RCSD1: variants seen among roughly 807,000 people sequenced by gnomAD.
The protein encoded by RCSD1 is capZ-interacting protein.
A neutral mutation model predicts 42.5 loss-of-function variants in RCSD1; 26 were observed. The observed-to-expected ratio is 0.61, with a 90% CI of 0.45 to 0.85. The LOEUF (loss-of-function observed/expected upper bound fraction) is 0.85. Among genes scored for constraint, RCSD1 ranks in the 40% least tolerant of loss-of-function variants. The pLI, the probability that RCSD1 is intolerant of heterozygous loss-of-function variation, is 0.00. For missense variants in RCSD1, 571 were observed against 528.3 expected, an observed-to-expected ratio of 1.08 and a Z score of -0.79; for synonymous variants, 220 against 212.2, an observed-to-expected ratio of 1.04 and a Z score of -0.32.
chr1:167,682,838 G>A (rs1332384700), intron 1 of RCSD1, among the ~76,000 whole-genome samples: 1 of 152,156 alleles, frequency 6.6e-6, no homozygotes, highest in Admixed American at 6.5e-5. Flanking sequence ...CAGACTAGAC[G>A]TGAGGAGGGG....
rs777610927 is a variant in RCSD1 at position 167,694,236 on chromosome 1, G to C, written c.408G>C (p.Glu136Asp). ...CTGGTGTGCGATCTAGGCCCAGCGA[G>C]GCAGAGGAGGTGCCTGTCAGCTTCG... ...SSPGVRSRPSEAEEVPVSFDQ... is the reference protein window; with the variant it reads ...SSPGVRSRPSDAEEVPVSFDQ... The change falls in exon 5 of 7, where the codon GAG becomes GAC. Residue 136 changes from glutamate (E) to aspartate (D), a missense_variant. By Grantham distance (45) the Glu-to-Asp change is conservative (BLOSUM62 2). Coordinates refer to ENST00000367854, the MANE Select transcript of RCSD1 (RefSeq NM_052862.4). The C allele has an allele frequency of 6.2e-7, 1 of 1,614,202 alleles. No homozygotes were observed. The highest frequency in any genetic ancestry group is 8.5e-7 in the Non-Finnish European group (1 of 1,180,048).
At chr1:167,685,375 A>T (rs751288140) in intron 2 of RCSD1, 46 bp from the exon 3 acceptor site, 1 of 1,500,216 alleles carries the variant, frequency 6.7e-7, no homozygotes, top group South Asian at 1.1e-5. Context: ...TTGCCTGATC[A>T]GTGCTCTCTT....
chr1:167,638,523 C>T (rs1035270051), intron 1 of RCSD1: 3 of 152,420 alleles, frequency 2.0e-5, no homozygotes, highest in African/African-American at 7.2e-5. Flanking sequence ...TCTGGAGAAA[C>T]TCTGGCTTCC....
rs529143970 is a variant in RCSD1, at chr1:167,704,100, G to T, written c.1219-564G>T. Among the ~76,000 whole-genome samples the T allele has an allele frequency of 7.9e-5, 12 of 152,262 alleles. No homozygotes were observed. The South Asian group carries it at 2.5e-3, about 32-fold the overall frequency. On this transcript the variant is annotated intron_variant, in intron 6 of 6. Transcript: ENST00000367854. Reference sequence around the variant, plus strand: ...CCTGGTACAGCTCCTAGCACAGAAGGATCTCAAAGTAATACCTTCGGAATG... The same window carrying T: ...CCTGGTACAGCTCCTAGCACAGAAGTATCTCAAAGTAATACCTTCGGAATG...
At position 167,706,279 on chromosome 1, in the gene RCSD1, T is replaced by C. The variant is rs1342086988; in HGVS notation, c.*1583T>C. The C allele has an allele frequency of 6.6e-6, 1 of 152,264 alleles. No homozygotes were observed. 9.4% of individuals were successfully genotyped at this position (152,264 alleles called of 1,614,324 possible). A position where few individuals can be genotyped will look rare whatever the true frequency, so the allele number is the denominator to read the frequency against. ...TGTGTGTCAATTATTTTGAGATCTA[T>C]AAACTTGTCTGTCTATCTATCTAGC... On this transcript the variant is annotated 3_prime_UTR_variant, in exon 7 of 7. Transcript: ENST00000367854.
At chr1:167,702,448 C>T (rs763904862) in intron 6 of RCSD1, among the ~76,000 whole-genome samples, 1 of 152,172 alleles carries the variant, frequency 6.6e-6, no homozygotes, top group East Asian at 1.9e-4. Flanking sequence ...GAAAAGAGGG[C>T]ACAGAATCAG....
intron 2 of RCSD1, 133 bp from the exon 3 acceptor site, chr1:167,685,288 C>G: frequency 1.6e-6 from 1 of 607,546 alleles, no homozygotes; most frequent in Non-Finnish European, 2.9e-6. Context: ...TATTCCTACA[C>G]TTCCCTAACA....
Position 167,668,736 on chromosome 1 carries a change from T to TA in RCSD1, c.7-15147dup, listed in dbSNP as rs57523926. Among the ~76,000 whole-genome samples, 592 of 130,418 alleles carry TA rather than the reference T, an allele frequency of 4.5e-3. 4 individuals carry two copies. Among genetic ancestry groups the TA allele is most frequent in the African/African-American group, 0.013 (473 of 35,522 alleles). 85.6% of individuals were successfully genotyped at this position (130,418 alleles called of 152,430 possible). On this transcript the variant is annotated intron_variant, in intron 1 of 6. Coordinates refer to ENST00000367854, the MANE Select transcript of RCSD1 (RefSeq NM_052862.4). ...ATGAATGAATATGTCCAAGATGTAC[T>TA]AAAAAAAAAAAAAAAAAGAGGGAGC...
intron 1 of RCSD1, among the ~76,000 whole-genome samples, chr1:167,652,632 C>T (rs1184067320): frequency 6.6e-6 from 1 of 151,974 alleles, no homozygotes; most frequent in Admixed American, 6.5e-5. Context: ...CTTTTTTGCC[C>T]ATCGAATGCA....
At chr1:167,637,763 CA>C (rs36095574) in intron 1 of RCSD1, among the ~76,000 whole-genome samples, 22 of 151,888 alleles carry the variant, frequency 1.4e-4, no homozygotes, top group East Asian at 9.7e-4. Context: ...CACACACACA[CA>C]CCCCTTCTGT....
intron 1 of RCSD1, among the ~76,000 whole-genome samples, chr1:167,678,768 G>A (rs1367839228): frequency 6.6e-6 from 1 of 152,146 alleles, no homozygotes; most frequent in African/African-American, 2.4e-5. Context: ...AATGTAGCTG[G>A]CCTCACACTA....
At chr1:167,687,783 G>C (rs1414180854) in intron 3 of RCSD1, among the ~76,000 whole-genome samples, 1 of 152,212 alleles carries the variant, frequency 6.6e-6, no homozygotes, top group Non-Finnish European at 1.5e-5. Flanking sequence ...TGAGACAGTG[G>C]GGTCAGCCCC....
At chr1:167,631,028 A>G (rs1657684186) in intron 1 of RCSD1, among the ~76,000 whole-genome samples, 1 of 152,172 alleles carries the variant, frequency 6.6e-6, no homozygotes, top group African/African-American at 2.4e-5. Context: ...CAGTCGAATG[A>G]CATTATTTCT....
chr1:167,686,682 T>C (rs1297327881), intron 3 of RCSD1, among the ~76,000 whole-genome samples: 2 of 152,242 alleles, frequency 1.3e-5, no homozygotes, highest in African/African-American at 4.8e-5. Context: ...GCCAACAATA[T>C]GATTCTGTGG....
rs1659520116 is a variant in RCSD1 at position 167,697,281 on chromosome 1, C to T, written c.657C>T (p.Ser219=). ...SKSKAPGSPL[S]SEGAAGEGVR... Reference sequence around the variant, plus strand: ...GCAAGGCCCCAGGATCCCCTTTGTCCAGTGAGGGAGCAGCGGGAGAGGGAG... The same window carrying T: ...GCAAGGCCCCAGGATCCCCTTTGTCTAGTGAGGGAGCAGCGGGAGAGGGAG... The change falls in exon 6 of 7, where the codon TCC becomes TCT. Residue 219 remains serine (S), a synonymous_variant. Transcript: ENST00000367854. 16 of 1,614,114 alleles carry T rather than the reference C, an allele frequency of 9.9e-6. No individual in the cohort carries two copies. The highest frequency in any genetic ancestry group is 1.4e-5 in the Non-Finnish European group (16 of 1,180,028).
intron 1 of RCSD1, among the ~76,000 whole-genome samples, chr1:167,658,181 C>T (rs1658463126): frequency 6.6e-6 from 1 of 152,168 alleles, no homozygotes; most frequent in Non-Finnish European, 1.5e-5. Flanking sequence ...ACCAGATCAG[C>T]CCCCCTCCCT....
intron 1 of RCSD1, among the ~76,000 whole-genome samples, chr1:167,678,682 C>T (rs779358845): frequency 3.3e-5 from 5 of 152,164 alleles, no homozygotes; most frequent in Non-Finnish European, 5.9e-5. Flanking sequence ...GGTCACGTCC[C>T]TCCTTGAAAC....
intron 1 of RCSD1, among the ~76,000 whole-genome samples, chr1:167,632,692 C>G (rs60799585): frequency 0.76 from 115,198 of 151,220 alleles, 44,264 homozygotes; most frequent in East Asian, 0.83. Flanking sequence ...CGTCTCACAT[C>G]CAGTAGGTCA....
At chr1:167,650,765 G>A (rs1261765615) in intron 1 of RCSD1, among the ~76,000 whole-genome samples, 2 of 152,222 alleles carry the variant, frequency 1.3e-5, no homozygotes, top group East Asian at 3.8e-4. Flanking sequence ...TAGCAATGGA[G>A]TAGGGAGAGG....
Sources: allele counts gnomAD v4.1 joint callset (sites outside exome capture counted in the v4.1 genomes callset), GRCh38; gene constraint gnomAD v4.1.1; transcripts MANE v1.5; gene names NCBI Gene and HGNC (gene_info 2026-07-23, HGNC 2026-07-21).